CDH18: variants seen among roughly 807,000 people sequenced by gnomAD.
CDH18 encodes cadherin 18.
In CDH18, 31 loss-of-function variants were observed where a neutral mutation model predicts 67.9. That is an observed-to-expected ratio of 0.46 (90% CI 0.34 to 0.62). The LOEUF (loss-of-function observed/expected upper bound fraction) is 0.62, where lower values mean the gene tolerates loss of function less well. Among genes scored for constraint, CDH18 ranks in the 20% least tolerant of loss-of-function variants. The probability of loss-of-function intolerance (pLI) is 0.01; values close to 1 mark genes in which losing one functional copy is unlikely to be tolerated. For synonymous variants in CDH18, 362 were observed against 347.2 expected (o/e 1.04, Z -0.48); for missense variants, 890 against 975.5 (o/e 0.91, Z 1.17).
chr5:20,099,627 T>C (rs1746285502), intron 2 of CDH18, among the ~76,000 whole-genome samples: 1 of 152,170 alleles, frequency 6.6e-6, no homozygotes, highest in Admixed American at 6.5e-5. Flanking sequence ...GGGTAACAAT[T>C]AGCTTTGTTT....
At chr5:19,783,803 G>A (rs2149789652) in intron 3 of CDH18, among the ~76,000 whole-genome samples, 1 of 152,170 alleles carries the variant, frequency 6.6e-6, no homozygotes, top group African/African-American at 2.4e-5. Context: ...TATTCTATAA[G>A]ACAAGAAAAC....
intron 5 of CDH18, among the ~76,000 whole-genome samples, chr5:19,667,969 A>T (rs894997392): frequency 9.2e-5 from 14 of 151,924 alleles, no homozygotes; most frequent in African/African-American, 3.4e-4. Flanking sequence ...GTTTAGACAT[A>T]TTTTCAGATA....
chr5:19,541,349 C>T, intron 9 of CDH18, among the ~76,000 whole-genome samples: 1 of 152,152 alleles, frequency 6.6e-6, no homozygotes, highest in Non-Finnish European at 1.5e-5. Context: ...AACTTTCCCA[C>T]ATTTTTTTTA....
rs79199474 is a variant in CDH18, at chr5:19,640,097, G to A, written c.644-27496C>T. ...GAGGTAGTTTATCACTACTAGATCT[G>A]TCTTATGAGAAATGCTTCAGGTAGT... On this transcript the variant is annotated intron_variant, in intron 5 of 12. Transcript: ENST00000382275. Among the ~76,000 whole-genome samples, 955 of 152,224 alleles carry A rather than the reference G, an allele frequency of 6.3e-3. 8 individuals are homozygous for A. Among genetic ancestry groups the A allele is most frequent in the African/African-American group, 0.022 (916 of 41,550 alleles).
intron 1 of CDH18, among the ~76,000 whole-genome samples, chr5:20,510,575 C>T (rs1451942761): frequency 1.3e-5 from 2 of 152,024 alleles, no homozygotes; most frequent in Non-Finnish European, 2.9e-5. Flanking sequence ...TCGGCCTTCA[C>T]TTAAATTATA....
chr5:19,550,762 C>A (rs188826760), intron 8 of CDH18, among the ~76,000 whole-genome samples: 2 of 152,230 alleles, frequency 1.3e-5, no homozygotes, highest in African/African-American at 4.8e-5. Flanking sequence ...GATTTATAAT[C>A]CTTTGGGTAT....
intron 2 of CDH18, among the ~76,000 whole-genome samples, chr5:20,083,816 CATCAG>C (rs1227514899): frequency 6.6e-6 from 1 of 152,098 alleles, no homozygotes; most frequent in Non-Finnish European, 1.5e-5. Context: ...TTTTTAAAAC[CATCAG>C]ATCTTATGAG....
intron 1 of CDH18, among the ~76,000 whole-genome samples, chr5:20,395,526 T>A (rs1332892519): frequency 2.0e-5 from 3 of 152,140 alleles, no homozygotes; most frequent in East Asian, 3.8e-4. Flanking sequence ...TAAAATTAGA[T>A]TTTACCACGA....
chr5:19,953,831 A>C (rs1203051953), intron 2 of CDH18, among the ~76,000 whole-genome samples: 1 of 152,030 alleles, frequency 6.6e-6, no homozygotes, highest in Non-Finnish European at 1.5e-5. Context: ...TTCCTGCTTT[A>C]ATTTTTTTCT....
chr5:19,570,158 A>G (rs1248937582), intron 8 of CDH18, among the ~76,000 whole-genome samples: 6 of 152,086 alleles, frequency 3.9e-5, no homozygotes, highest in African/African-American at 1.4e-4. Context: ...TTGGGGTCAA[A>G]AGTATAATTA....
intron 2 of CDH18, among the ~76,000 whole-genome samples, chr5:20,102,966 A>C (rs964004855): frequency 6.6e-6 from 1 of 152,216 alleles, no homozygotes; most frequent in Non-Finnish European, 1.5e-5. Flanking sequence ...AACACACATA[A>C]CAAAAACATA....
chr5:20,151,079 T>C (rs1382108784), intron 2 of CDH18, among the ~76,000 whole-genome samples: 4 of 152,008 alleles, frequency 2.6e-5, no homozygotes, highest in Admixed American at 2.6e-4. Flanking sequence ...TTCCGCTTTG[T>C]TACATGAGTA....
At chr5:19,946,497 G>A (rs1043573238) in intron 2 of CDH18, among the ~76,000 whole-genome samples, 15 of 152,186 alleles carry the variant, frequency 9.9e-5, no homozygotes, top group Admixed American at 8.5e-4. Context: ...TAATCAAAAT[G>A]AACATCATCT....
At chr5:19,875,366 T>C (rs996386176) in intron 2 of CDH18, among the ~76,000 whole-genome samples, 30 of 152,012 alleles carry the variant, frequency 2.0e-4, no homozygotes, top group Non-Finnish European at 4.0e-4. Context: ...GCTTTGTACT[T>C]GAAAATATTC....
intron 2 of CDH18, among the ~76,000 whole-genome samples, chr5:20,153,400 A>T (rs1490494686): frequency 6.6e-6 from 1 of 152,118 alleles, no homozygotes; most frequent in African/African-American, 2.4e-5. Context: ...CAAGCACATA[A>T]TTCCCTACTT....
At chr5:20,359,601 A>G (rs528281646) in intron 1 of CDH18, among the ~76,000 whole-genome samples, 1 of 152,312 alleles carries the variant, frequency 6.6e-6, no homozygotes, top group South Asian at 2.1e-4. Flanking sequence ...ATGGAGTTGA[A>G]GTGTTTTAAC....
In CDH18 at chr5:20,335,235, C is replaced by T. The variant is rs1739613629; in HGVS notation, c.-579-79730G>A. ...GGTGGACTTCTTCTTGTTTTTCTAA[C>T]ATGCTAAGTCTCTATTCCCCCAGGA... On this transcript the variant is annotated intron_variant, in intron 1 of 14. Transcript: ENST00000507958. 1.3e-5 allele frequency among the ~76,000 whole-genome samples: 2 copies of T among 152,106 alleles called. 1 individual carries two copies. Among genetic ancestry groups the T allele is most frequent in the South Asian group, 4.1e-4 (2 of 4,830 alleles).
At chr5:20,268,545 A>C (rs1160643872) in intron 1 of CDH18, among the ~76,000 whole-genome samples, 1 of 152,118 alleles carries the variant, frequency 6.6e-6, no homozygotes, top group Non-Finnish European at 1.5e-5. Flanking sequence ...AGACCAGCCT[A>C]GGAAACACAG....
At chr5:19,609,919 T>A (rs190471291) in intron 6 of CDH18, among the ~76,000 whole-genome samples, 1 of 152,220 alleles carries the variant, frequency 6.6e-6, no homozygotes, top group East Asian at 1.9e-4. Context: ...ATTATTTCTT[T>A]TCTCCAAGCA....
Sources: allele counts gnomAD v4.1 joint callset (sites outside exome capture counted in the v4.1 genomes callset), GRCh38; gene constraint gnomAD v4.1.1; transcripts MANE v1.5; gene names NCBI Gene and HGNC (gene_info 2026-07-23, HGNC 2026-07-21).